Variants in ZC3H12D observed in about 807,000 individuals in gnomAD.
The protein encoded by ZC3H12D is probable ribonuclease ZC3H12D.
A neutral mutation model predicts 24.2 loss-of-function variants in ZC3H12D; 11 were observed. That is an observed-to-expected ratio of 0.46 (90% CI 0.29 to 0.75). The LOEUF is 0.75. Ranked by LOEUF, ZC3H12D falls within the 30% of genes least tolerant of loss-of-function variation. ZC3H12D has a pLI of 0.11. For missense variants in ZC3H12D, 740 were observed against 767.7 expected (o/e 0.96, Z 0.43); for synonymous variants, 333 against 341.8 (o/e 0.97, Z 0.28).
intron 2 of ZC3H12D, among the ~76,000 whole-genome samples, chr6:149,464,607 C>T (rs1222790455): frequency 1.3e-5 from 2 of 152,200 alleles, no homozygotes; most frequent in Admixed American, 1.3e-4. Flanking sequence ...CTGGGTCTCC[C>T]TTCTTTAAAC....
chr6:149,460,694 G>A (rs1562473393), intron 3 of ZC3H12D, among the ~76,000 whole-genome samples: 1 of 152,182 alleles, frequency 6.6e-6, no homozygotes, highest in Non-Finnish European at 1.5e-5. Flanking sequence ...GCTGGGCGTG[G>A]TGGCACGCGC....
chr6:149,480,462 A>C (rs1436803882), intron 1 of ZC3H12D, among the ~76,000 whole-genome samples: 1 of 152,254 alleles, frequency 6.6e-6, no homozygotes, highest in Non-Finnish European at 1.5e-5. Context: ...CACAAAGAAG[A>C]GAACAATAGA....
chr6:149,450,613 C>G lies in ZC3H12D; in HGVS notation c.*70G>C. 1.4e-6 allele frequency: 2 copies of G among 1,410,400 alleles called. No individual in the cohort carries two copies. The highest frequency in any genetic ancestry group is 1.9e-6 in the Non-Finnish European group (2 of 1,071,860). 87.4% of individuals were successfully genotyped at this position (1,410,400 alleles called of 1,614,324 possible). A position where few individuals can be genotyped will look rare whatever the true frequency, so the allele number is the denominator to read the frequency against. Reference sequence around the variant, plus strand: ...ATGGGCCCACTCAGGTCCAGGCTGGCAACCACAGGTCCACCCGTCCAAGAC... The same window carrying G: ...ATGGGCCCACTCAGGTCCAGGCTGGGAACCACAGGTCCACCCGTCCAAGAC... On this transcript the variant is annotated 3_prime_UTR_variant, in exon 6 of 6. Transcript: ENST00000409806.
At chr6:149,479,978 T>C (rs913371290) in intron 1 of ZC3H12D, among the ~76,000 whole-genome samples, 1 of 152,122 alleles carries the variant, frequency 6.6e-6, no homozygotes, top group African/African-American at 2.4e-5. Context: ...TCCTCTCTTT[T>C]CCTTACCTCT....
chr6:149,453,137 A>G (rs866410327), intron 4 of ZC3H12D, among the ~76,000 whole-genome samples: 3,164 of 151,714 alleles, frequency 0.021, 119 homozygotes, highest in African/African-American at 0.073. Context: ...GCAAAAAAAA[A>G]AAAAAAAAAG....
chr6:149,454,486 G>C (rs552559095), intron 4 of ZC3H12D, among the ~76,000 whole-genome samples: 3 of 152,186 alleles, frequency 2.0e-5, no homozygotes, highest in Non-Finnish European at 2.9e-5. Context: ...CTGCACAGCC[G>C]GCTTCTCAGA....
At chr6:149,466,649 G>A (rs997781542) in intron 2 of ZC3H12D, among the ~76,000 whole-genome samples, 2 of 152,116 alleles carry the variant, frequency 1.3e-5, no homozygotes, top group African/African-American at 4.8e-5. Context: ...AGGCCGAGGC[G>A]GGCGGATCAC....
chr6:149,475,676 T>C (rs530402155), intron 1 of ZC3H12D, among the ~76,000 whole-genome samples: 1 of 151,622 alleles, frequency 6.6e-6, no homozygotes, highest in East Asian at 2.0e-4. Context: ...CATTGCGCCA[T>C]TGCACTCCAG....
At position 149,461,847 on chromosome 6, in the gene ZC3H12D, A is replaced by C; in HGVS notation, c.429T>G (p.Ala143=). The change falls in exon 3 of 6, where the codon GCT becomes GCG. Residue 143 remains alanine, a synonymous_variant. Transcript: ENST00000409806. ...CCAGCATACCTCTGATAGGGGTGTCAGCTCTTGGTGGGTCCTTCCTCCAGG... is the reference window on the plus strand; with the variant it reads ...CCAGCATACCTCTGATAGGGGTGTCCGCTCTTGGTGGGTCCTTCCTCCAGG... The part of the protein sequence containing the change: ...VPSWRKDPPR[A]DTPIREQHVL... The C allele has an allele frequency of 6.4e-7, 1 of 1,564,540 alleles. No homozygotes were observed. The highest frequency in any genetic ancestry group is 1.4e-5 in the African/African-American group (1 of 73,820).
rs541467636 is a variant in ZC3H12D at position 149,448,832 on chromosome 6, G to A, written c.*1851C>T. On this transcript the variant is annotated 3_prime_UTR_variant, in exon 6 of 6. Transcript: ENST00000409806. Reference sequence around the variant, plus strand: ...GGGCTGGGAACGCACTCTCCCTGAGGTGCCCCCCAGGCCTGCCAACATCTC... The same window carrying A: ...GGGCTGGGAACGCACTCTCCCTGAGATGCCCCCCAGGCCTGCCAACATCTC... 4 of 152,336 alleles carry A rather than the reference G, an allele frequency of 2.6e-5. No individual in the cohort carries two copies. Among genetic ancestry groups the A allele is most frequent in the Non-Finnish European group, 5.9e-5 (4 of 68,038 alleles). The allele number at this position is 152,336 out of a possible 1,614,324, so 9.4% of individuals were successfully genotyped here.
At chr6:149,483,291 G>C (rs1156467564) in intron 1 of ZC3H12D, 1 of 152,016 alleles carries the variant, frequency 6.6e-6, no homozygotes, top group East Asian at 1.9e-4. Context: ...TTTTTTAAGG[G>C]AATTTGTAAA....
rs1208678206 is a variant in ZC3H12D at position 149,451,045 on chromosome 6, C to T, written c.1222G>A (p.Gly408Ser). The T allele has an allele frequency of 2.8e-6, 4 of 1,417,728 alleles. No individual in the cohort carries two copies. The highest frequency in any genetic ancestry group is 3.0e-5 in the African/African-American group (2 of 66,790). The allele number at this position is 1,417,728 out of a possible 1,614,324, so 87.8% of individuals were successfully genotyped here. The stretch of plus-strand genomic sequence containing the variant: ...TCGCCCCGCGGCTGGAGCTGCAGGC[C>T]GGGCGGAGGCGGGAGGTCGCCCGGG... ...FSPGDLPPPP[G>S]LQLQPRGEHR... Residue 408 changes from glycine to serine, a missense_variant, in exon 6 of 6, where the codon GGC becomes AGC. Transcript: ENST00000409806.
rs552509514 is a variant in ZC3H12D, at chr6:149,454,635, G to A, written c.681-1913C>T. 9.8e-5 allele frequency among the ~76,000 whole-genome samples: 15 copies of A among 152,364 alleles called. No individual in the cohort carries two copies. In the East Asian group the frequency reaches 1.9e-3, roughly 20 times the overall value. Reference sequence around the variant, plus strand: ...ACGTGCCCGGGGCACCAGGGCAGGCGCCCTCGCTCACAAGCGGGCGGCAGG... The same window carrying A: ...ACGTGCCCGGGGCACCAGGGCAGGCACCCTCGCTCACAAGCGGGCGGCAGG... On this transcript the variant is annotated intron_variant, in intron 4 of 5. Coordinates refer to ENST00000409806, the MANE Select transcript of ZC3H12D (RefSeq NM_207360.3).
Position 149,456,612 on chromosome 6 carries a change from C to T in ZC3H12D, c.680+54G>A, listed in dbSNP as rs1487791879. Reference sequence around the variant, plus strand: ...TAGCAGGCGTGGCCACTGCCTCGACCCCGGCCCCCCGCCCCGCCGCCCCCC... The same window carrying T: ...TAGCAGGCGTGGCCACTGCCTCGACTCCGGCCCCCCGCCCCGCCGCCCCCC... On this transcript the variant is annotated intron_variant, in intron 4 of 5. Coordinates refer to ENST00000409806, the MANE Select transcript of ZC3H12D (RefSeq NM_207360.3). The surrounding 1 kb of genome is among the most constrained non-coding windows in gnomAD (Gnocchi z 4.3). The T allele has an allele frequency of 8.5e-7, 1 of 1,172,392 alleles. No individual in the cohort carries two copies. Among genetic ancestry groups the T allele is most frequent in the Non-Finnish European group, 1.2e-6 (1 of 805,422 alleles). 72.6% of individuals were successfully genotyped at this position (1,172,392 alleles called of 1,614,324 possible).
rs1279303548 is a variant in ZC3H12D, at chr6:149,465,318, C to T, written c.306-3348G>A. On this transcript the variant is annotated intron_variant, in intron 2 of 5. Transcript: ENST00000409806. ...GCAGTGAGCTGAGATCAAGCCACTG[C>T]ACTCCAGCCTGGGTGACAGTGTGAG... Among the ~76,000 whole-genome samples the T allele has an allele frequency of 6.0e-5, 9 of 150,100 alleles. No homozygotes were observed. The East Asian group carries it at 1.8e-3, about 29-fold the overall frequency.
intron 1 of ZC3H12D, among the ~76,000 whole-genome samples, chr6:149,479,522 A>G (rs1018073480): frequency 1.3e-5 from 2 of 152,154 alleles, no homozygotes; most frequent in Non-Finnish European, 2.9e-5. Flanking sequence ...CGGAGCCTAC[A>G]GACAGAATGA....
chr6:149,462,402 A>C (rs1284315519), intron 2 of ZC3H12D, among the ~76,000 whole-genome samples: 3 of 151,696 alleles, frequency 2.0e-5, no homozygotes, highest in Non-Finnish European at 4.4e-5. Flanking sequence ...ACAAAAAAAA[A>C]CCACACACAC....
At chr6:149,466,876 A>AAAAAT (rs149349012) in intron 2 of ZC3H12D, among the ~76,000 whole-genome samples, 8,441 of 142,844 alleles carry the variant, frequency 0.059, 420 homozygotes, top group East Asian at 0.24. Context: ...ACTCCATCTC[A>AAAAAT]AAAATAAAAT....
chr6:149,465,442 C>T (rs548639058), intron 2 of ZC3H12D, among the ~76,000 whole-genome samples: 11 of 151,198 alleles, frequency 7.3e-5, no homozygotes, highest in African/African-American at 2.7e-4. Flanking sequence ...AAAATATCAA[C>T]AGGGATATCT....
Sources: gnomAD v4.1 joint callset for allele counts (sites outside exome capture counted in the v4.1 genomes callset) on GRCh38, gnomAD v4.1.1 for gene constraint, Gnocchi (gnomAD v3.1) non-coding constraint, MANE v1.5 for transcripts, NCBI Gene and HGNC (gene_info 2026-07-23, HGNC 2026-07-21) for gene names.